The following PHACTR4 variants were observed in gnomAD, a reference collection of about 807,000 sequenced individuals.
PHACTR4 encodes phosphatase and actin regulator 4, also known as protein phosphatase 1, regulatory subunit 124.
In PHACTR4, 51 loss-of-function variants were observed where a neutral mutation model predicts 72.7. The observed-to-expected ratio is 0.70, with a 90% CI of 0.56 to 0.89. The LOEUF is 0.89. Ranked by LOEUF, PHACTR4 falls within the 40% of genes least tolerant of loss-of-function variation. The pLI, the probability that PHACTR4 is intolerant of heterozygous loss-of-function variation, is 0.00. For synonymous variants in PHACTR4, 255 were observed against 302.5 expected, an observed-to-expected ratio of 0.84 and a Z score of 1.63; for missense variants, 731 against 861.8, an observed-to-expected ratio of 0.85 and a Z score of 1.90.
intron 9 of PHACTR4, among the ~76,000 whole-genome samples, chr1:28,486,080 G>T (rs1009030526): frequency 1.3e-5 from 2 of 152,072 alleles, no homozygotes; most frequent in African/African-American, 4.8e-5. Flanking sequence ...GACAAGGCCG[G>T]GTGTGGTGGC....
intron 2 of PHACTR4, among the ~76,000 whole-genome samples, chr1:28,452,655 G>C (rs551820809): frequency 3.4e-4 from 52 of 151,622 alleles, no homozygotes; most frequent in Non-Finnish European, 6.2e-4. Flanking sequence ...GATTAGCTGG[G>C]CGTGGTGGTA....
intron 1 of PHACTR4, among the ~76,000 whole-genome samples, chr1:28,397,392 T>C (rs369714658): frequency 2.0e-5 from 3 of 152,230 alleles, no homozygotes; most frequent in South Asian, 4.1e-4. Context: ...TATTTGAAAC[T>C]AACTTGTGCT....
Position 28,476,182 on chromosome 1 carries a change from T to G in PHACTR4, c.1497T>G (p.Ile499Met). 6.2e-7 allele frequency: 1 copy of G among 1,613,858 alleles called. No homozygotes were observed. Among genetic ancestry groups the G allele is most frequent in the Non-Finnish European group, 8.5e-7 (1 of 1,179,922 alleles). ...FSEEMTPTSVIPKLPQCLREE... is the reference protein window; with the variant it reads ...FSEEMTPTSVMPKLPQCLREE... ...AAGAAATGACACCTACCTCAGTCAT[T>G]CCTAAATTACCACAGTGTCTACGGG... The change falls in exon 8 of 14, where the codon ATT (isoleucine) becomes ATG (methionine). Residue 499 changes from isoleucine to methionine, a missense_variant. Transcript: ENST00000373839.
intron 2 of PHACTR4, among the ~76,000 whole-genome samples, chr1:28,454,404 G>A (rs138851465): frequency 0.1 from 15,649 of 149,906 alleles, 1,883 homozygotes; most frequent in African/African-American, 0.3. Context: ...AGCCTCCCTA[G>A]TAGCTGGGAC....
At position 28,491,788 on chromosome 1, in the gene PHACTR4, G is replaced by A. The variant is rs763439546; in HGVS notation, c.2016+1G>A. 1.9e-6 allele frequency: 3 copies of A among 1,611,670 alleles called. No homozygotes were observed. The highest frequency in any genetic ancestry group is 2.5e-6 in the Non-Finnish European group (3 of 1,179,262). On this transcript the variant is annotated splice_donor_variant, in intron 12 of 13. Transcript: ENST00000373839. LOFTEE classifies it high-confidence loss of function. ...GACCAAACTGACCCCTGCTGACAAG[G>A]TACCTGGAAAGCACTCTCTTGCTTT...
chr1:28,454,303 G>A (rs1306354465), intron 2 of PHACTR4, among the ~76,000 whole-genome samples: 18 of 131,092 alleles, frequency 1.4e-4, no homozygotes, highest in African/African-American at 5.1e-4. Context: ...TTGAGACGGA[G>A]TCTCGCTCTG....
intron 2 of PHACTR4, among the ~76,000 whole-genome samples, chr1:28,429,412 G>A (rs1312370148): frequency 6.6e-6 from 1 of 152,154 alleles, no homozygotes; most frequent in Non-Finnish European, 1.5e-5. Flanking sequence ...CCAGGATTGT[G>A]TGGAATGATA....
intron 1 of PHACTR4, among the ~76,000 whole-genome samples, chr1:28,393,218 C>G (rs540755044): frequency 6.6e-6 from 1 of 152,286 alleles, no homozygotes; most frequent in African/African-American, 2.4e-5. Flanking sequence ...GGGAATTTTA[C>G]TAACAATCTT....
intron 10 of PHACTR4, 96 bp downstream of exon 10, chr1:28,489,321 G>T: frequency 9.9e-7 from 1 of 1,010,634 alleles, no homozygotes. Flanking sequence ...TGCTACAAGG[G>T]CTAAGGGAGA....
intron 1 of PHACTR4, among the ~76,000 whole-genome samples, chr1:28,385,398 G>GCA (rs1652479310): frequency 6.6e-6 from 1 of 151,766 alleles, no homozygotes; most frequent in Non-Finnish European, 1.5e-5. Flanking sequence ...TCAAAAATTA[G>GCA]CCAGGCATGG....
chr1:28,489,114 A>G, intron 9 of PHACTR4, 56 bp from the exon 10 acceptor site: 1 of 1,472,510 alleles, frequency 6.8e-7, no homozygotes, highest in East Asian at 2.3e-5. Flanking sequence ...AAAAATCTTT[A>G]TAAACAAGAT....
intron 9 of PHACTR4, among the ~76,000 whole-genome samples, chr1:28,484,189 C>T (rs530197208): frequency 2.6e-5 from 4 of 152,192 alleles, no homozygotes; most frequent in South Asian, 2.1e-4. Flanking sequence ...GGCGTGGTGG[C>T]GCCCACCTGT....
chr1:28,487,731 T>TG (rs1660781386), intron 9 of PHACTR4, among the ~76,000 whole-genome samples: 3 of 126,146 alleles, frequency 2.4e-5, no homozygotes, highest in Non-Finnish European at 3.4e-5. Context: ...TTTGTTGTTT[T>TG]TTTTTTTTTT....
intron 2 of PHACTR4, among the ~76,000 whole-genome samples, chr1:28,408,286 G>T (rs1010854594): frequency 7.4e-6 from 1 of 134,526 alleles, no homozygotes; most frequent in Non-Finnish European, 1.8e-5. Flanking sequence ...GTGACTGGGC[G>T]CAGTGGCTCA....
chr1:28,377,058 T>C (rs528189669), intron 1 of PHACTR4, among the ~76,000 whole-genome samples: 1 of 151,944 alleles, frequency 6.6e-6, no homozygotes, highest in Non-Finnish European at 1.5e-5. Flanking sequence ...GCCTCCCAAG[T>C]AGCTGGGATT....
chr1:28,457,221 A>G lies in PHACTR4; in HGVS notation c.17-1864A>G, dbSNP rs1334106558. On this transcript the variant is annotated intron_variant, in intron 2 of 13. Coordinates refer to ENST00000373839, the MANE Select transcript of PHACTR4 (RefSeq NM_001048183.3). ...AACCTCCATCAATCAAGTGAAAAAA[A>G]GATTGAATTTGGCAGTTGTTTCTTT... The G allele has an allele frequency of 1.0e-5, 4 of 395,182 alleles. No homozygotes were observed. The Admixed American group carries it at 1.2e-4, about 12-fold the overall frequency. 24.5% of individuals were successfully genotyped at this position (395,182 alleles called of 1,614,324 possible). A position where few individuals can be genotyped will look rare whatever the true frequency, so the allele number is the denominator to read the frequency against.
chr1:28,408,668 A>T lies in PHACTR4; in HGVS notation c.16+1205A>T, dbSNP rs569565295. On this transcript the variant is annotated intron_variant, in intron 2 of 13. Transcript: ENST00000373839. Reference sequence around the variant, plus strand: ...TATGTGTGTGTGTGTATATATATATATATTTTTTTTTAATTTATTTTTTTT... The same window carrying T: ...TATGTGTGTGTGTGTATATATATATTTATTTTTTTTTAATTTATTTTTTTT... Among the ~76,000 whole-genome samples, 1,041 of 148,122 alleles carry T rather than the reference A, an allele frequency of 7.0e-3. 9 individuals carry two copies. Among genetic ancestry groups the T allele is most frequent in the African/African-American group, 0.011 (458 of 41,044 alleles).
chr1:28,388,724 C>T (rs1652771772), intron 1 of PHACTR4, among the ~76,000 whole-genome samples: 1 of 152,098 alleles, frequency 6.6e-6, no homozygotes, highest in Non-Finnish European at 1.5e-5. Context: ...GTGGTGTGCA[C>T]CTGTAGTCCC....
intron 2 of PHACTR4, among the ~76,000 whole-genome samples, chr1:28,419,402 T>TAC (rs139317178): frequency 0.086 from 13,111 of 151,812 alleles, 1,207 homozygotes; most frequent in African/African-American, 0.24. Flanking sequence ...CACATATATA[T>TAC]ACACACACAC....
Sources: gnomAD v4.1 joint callset for allele counts (sites outside exome capture counted in the v4.1 genomes callset) on GRCh38, gnomAD v4.1.1 for gene constraint, MANE v1.5 for transcripts, NCBI Gene and HGNC (gene_info 2026-07-23, HGNC 2026-07-21) for gene names.